FDFT1: variants seen among roughly 807,000 people sequenced by gnomAD.
FDFT1 encodes the protein squalene synthase.
FDFT1 carries 68 observed loss-of-function variants against 46.8 expected under a neutral mutation model. The ratio of observed to expected loss-of-function variants is 1.45; its 90% CI spans 1.19 to 1.78. The LOEUF (loss-of-function observed/expected upper bound fraction) is 1.78, where lower values mean the gene tolerates loss of function less well. Among genes scored for constraint, FDFT1 ranks in the 40% most tolerant of loss-of-function variants. FDFT1 has a pLI of 0.00. For synonymous variants in FDFT1, 351 were observed against 185.1 expected (o/e 1.90, Z -7.28); for missense variants, 928 against 524.4 (o/e 1.77, Z -7.52).
chr8:11,809,439 G>A (rs936914686), intron 2 of FDFT1: 2 of 1,265,700 alleles, frequency 1.6e-6, no homozygotes, highest in African/African-American at 1.5e-5. Context: ...GAGTAGTGGT[G>A]ACATTCAACT....
intron 1 of FDFT1, chr8:11,808,589 G>T (rs1430364039): frequency 1.7e-5 from 24 of 1,383,486 alleles, no homozygotes; most frequent in Middle Eastern, 2.4e-4. Context: ...GTCCCGCCGC[G>T]GCGCCCAGGG....
Position 11,831,669 on chromosome 8 carries a change from A to T in FDFT1, c.1031A>T (p.Glu344Val). The part of the protein sequence containing the change: ...VKAIIYQYME[E>V]IYHRIPDSDP... The stretch of plus-strand genomic sequence containing the variant: ...GCCATCATATATCAGTATATGGAAG[A>T]GGTGGGTTTTTATTTAACTACTTGG... Residue 344 changes from glutamate (E) to valine (V), a missense_variant and splice_region_variant, in exon 7 of 8, where the codon GAG becomes GTG. By Grantham distance (121) the Glu-to-Val change is moderately radical. Coordinates refer to ENST00000220584, the MANE Select transcript of FDFT1 (RefSeq NM_004462.5). The T allele has an allele frequency of 1.9e-6, 3 of 1,611,628 alleles. No individual in the cohort carries two copies. In the South Asian group the frequency reaches 3.3e-5, roughly 18 times the overall value.
At chr8:11,820,847 G>GC (rs1303411121) in intron 3 of FDFT1, among the ~76,000 whole-genome samples, 7 of 152,216 alleles carry the variant, frequency 4.6e-5, no homozygotes, top group African/African-American at 1.7e-4. Flanking sequence ...GTCCTGCCCT[G>GC]CTTTGGCTCA....
intron 1 of FDFT1, chr8:11,803,454 ATCTACG>A: frequency 1.6e-6 from 2 of 1,279,836 alleles, no homozygotes; most frequent in Non-Finnish European, 2.0e-6. Flanking sequence ...AAAATCGCCT[ATCTACG>A]CTTCCAAGTT....
At chr8:11,814,159 C>T (rs1464150462) in intron 3 of FDFT1, among the ~76,000 whole-genome samples, 2 of 152,164 alleles carry the variant, frequency 1.3e-5, no homozygotes, top group Admixed American at 6.5e-5. Context: ...AACGGAGATT[C>T]AGGGATTCTA....
intron 1 of FDFT1, 76 bp from the exon 2 acceptor site, chr8:11,808,718 C>G (rs1807251786): frequency 1.4e-6 from 2 of 1,456,868 alleles, no homozygotes; most frequent in Non-Finnish European, 1.8e-6. Context: ...AGTCCCACTC[C>G]CACTCCCACT....
intron 3 of FDFT1, among the ~76,000 whole-genome samples, chr8:11,812,070 C>T (rs537236546): frequency 1.3e-5 from 2 of 152,194 alleles, no homozygotes; most frequent in Non-Finnish European, 2.9e-5. Flanking sequence ...CTTGGCCTCA[C>T]ACACAGTACT....
At position 11,808,709 on chromosome 8, in the gene FDFT1, GTCCCAC is replaced by G. The variant is rs71711801; in HGVS notation, c.100-51_100-46del. 1,412,941 of 1,514,496 alleles carry G rather than the reference GTCCCAC, an allele frequency of 0.93. 660,457 individuals are homozygous for G. The highest frequency in any genetic ancestry group is 0.96 in the East Asian group (39,201 of 40,778). The allele number at this position is 1,514,496 out of a possible 1,614,324, so 93.8% of individuals were successfully genotyped here. On this transcript the variant is annotated intron_variant, in intron 1 of 7. Transcript: ENST00000220584. ...GCAGGCTGTGGAGCCGCCTGCCCCA[GTCCCAC>G]TCCCACTCCCACTCCCACTCCCACT...
chr8:11,824,767 A>G (rs139459843), intron 4 of FDFT1, among the ~76,000 whole-genome samples: 2,446 of 151,612 alleles, frequency 0.016, 42 homozygotes, highest in African/African-American at 0.038. Context: ...ACGGAGTCTC[A>G]CTCTGTCGCC....
At chr8:11,822,229 A>C (rs1809351246) in intron 4 of FDFT1, among the ~76,000 whole-genome samples, 1 of 152,204 alleles carries the variant, frequency 6.6e-6, no homozygotes, top group African/African-American at 2.4e-5. Flanking sequence ...CTTACTCATC[A>C]CTTCTGTGGA....
intron 2 of FDFT1, chr8:11,809,267 C>G (rs1439866106): frequency 1.8e-6 from 2 of 1,114,098 alleles, no homozygotes; most frequent in African/African-American, 1.6e-5. Context: ...CACATTACAC[C>G]CATGAACTTA....
intron 5 of FDFT1, among the ~76,000 whole-genome samples, chr8:11,828,151 A>G (rs1386759151): frequency 6.6e-6 from 1 of 151,974 alleles, no homozygotes; most frequent in Non-Finnish European, 1.5e-5. Context: ...AGCTGGGTAT[A>G]GTGGCACACC....
intron 3 of FDFT1, among the ~76,000 whole-genome samples, chr8:11,812,730 A>G (rs1201387101): frequency 6.6e-6 from 1 of 152,214 alleles, no homozygotes; most frequent in African/African-American, 2.4e-5. Context: ...GAATTTAGGA[A>G]TAAGCCTCAA....
intron 3 of FDFT1, among the ~76,000 whole-genome samples, chr8:11,820,981 T>C (rs1809159575): frequency 6.6e-6 from 1 of 152,228 alleles, no homozygotes; most frequent in African/African-American, 2.4e-5. Context: ...ACCAGAGCTG[T>C]TCCTACTGGG....
In FDFT1 at chr8:11,817,108, C is replaced by T. The variant is rs190469088; in HGVS notation, c.382-4642C>T. 5.5e-3 allele frequency among the ~76,000 whole-genome samples: 841 copies of T among 152,194 alleles called. 7 individuals carry two copies. Among genetic ancestry groups the T allele is most frequent in the Non-Finnish European group, 9.2e-3 (627 of 67,998 alleles). ...CTGTTGAATTTTGTCAAAGGCCTTT[C>T]GTGCATCTATTGAGATAATCATGTG... On this transcript the variant is annotated intron_variant, in intron 3 of 7. Transcript: ENST00000220584.
At chr8:11,807,452 T>C (rs750116030) in intron 1 of FDFT1, among the ~76,000 whole-genome samples, 79 of 152,328 alleles carry the variant, frequency 5.2e-4, no homozygotes, top group Non-Finnish European at 9.8e-4. Flanking sequence ...CGTGCGCCAC[T>C]GCACCCGGCC....
At chr8:11,806,204 C>T (rs778785501) in intron 1 of FDFT1, among the ~76,000 whole-genome samples, 1 of 152,078 alleles carries the variant, frequency 6.6e-6, no homozygotes, top group Non-Finnish European at 1.5e-5. Flanking sequence ...TTCCCTCCAT[C>T]CCTGTTTTTC....
chr8:11,802,690 G>C, upstream of FDFT1: 2 of 663,490 alleles, frequency 3.0e-6, no homozygotes, highest in Non-Finnish European at 5.2e-6. Flanking sequence ...GGGCGGAGCG[G>C]CGGGCGGGGC....
intron 7 of FDFT1, among the ~76,000 whole-genome samples, chr8:11,835,930 G>A (rs2645454): frequency 7.0e-6 from 1 of 142,156 alleles, no homozygotes; most frequent in Non-Finnish European, 1.5e-5. Context: ...GGTCAGGAGT[G>A]CGAAACCAGC....
Sources: allele counts gnomAD v4.1 joint callset (sites outside exome capture counted in the v4.1 genomes callset), GRCh38; gene constraint gnomAD v4.1.1; transcripts MANE v1.5; gene names NCBI Gene and HGNC (gene_info 2026-07-23, HGNC 2026-07-21).